PLA2G5: variants seen among roughly 807,000 people sequenced by gnomAD.
PLA2G5 encodes phospholipase A2 group V.
In PLA2G5, 12 loss-of-function variants were observed where a neutral mutation model predicts 15.9. The observed-to-expected ratio is 0.76, with a 90% CI of 0.48 to 1.23. The LOEUF (loss-of-function observed/expected upper bound fraction) is 1.23, where lower values mean the gene tolerates loss of function less well. Among genes scored for constraint, PLA2G5 ranks in the 50% most tolerant of loss-of-function variants. PLA2G5 has a pLI of 0.00. For missense variants in PLA2G5, 169 were observed against 177.1 expected, an observed-to-expected ratio of 0.95 and a Z score of 0.26; for synonymous variants, 71 against 71.4, an observed-to-expected ratio of 0.99 and a Z score of 0.03.
At chr1:20,086,534 A>G (rs1352137284) in intron 3 of PLA2G5, among the ~76,000 whole-genome samples, 2 of 152,260 alleles carry the variant, frequency 1.3e-5, no homozygotes, top group African/African-American at 2.4e-5. Flanking sequence ...AGCTTGGACA[A>G]CTGAGGCTGG....
At chr1:20,090,027 G>T in intron 4 of PLA2G5, 132 bp downstream of exon 4, 1 of 651,628 alleles carries the variant, frequency 1.5e-6, no homozygotes, top group East Asian at 2.8e-5. Flanking sequence ...GAGAGGAGCA[G>T]GATTATTGCA....
In PLA2G5 at chr1:20,086,223, G is replaced by A. The variant is rs143614555; in HGVS notation, c.181G>A (p.Asp61Asn). 5.0e-6 allele frequency: 8 copies of A among 1,613,988 alleles called. No homozygotes were observed. The highest frequency in any genetic ancestry group is 4.0e-5 in the African/African-American group (3 of 74,928). The change falls in exon 3 of 5, where the codon GAT becomes AAT. Residue 61 changes from aspartate to asparagine, a missense_variant. Coordinates refer to ENST00000375108, the MANE Select transcript of PLA2G5 (RefSeq NM_000929.3). The part of the protein sequence containing the change: ...GGRGTPKDGT[D>N]WCCWAHDHCY... ...CCGAGGAACCCCCAAGGATGGCACC[G>A]ATTGGTGAGCTGATCGCTATAACTG...
chr1:20,038,273 AC>A (rs1442601303), intron 1 of PLA2G5, among the ~76,000 whole-genome samples: 1 of 151,616 alleles, frequency 6.6e-6, no homozygotes, highest in Admixed American at 6.6e-5. Context: ...TGCCACCACC[AC>A]CCCCCAAAAA....
chr1:20,061,686 T>G (rs1382341037), intron 2 of PLA2G5, among the ~76,000 whole-genome samples: 1 of 151,868 alleles, frequency 6.6e-6, no homozygotes, highest in Admixed American at 6.5e-5. Flanking sequence ...CCTCTTTCCA[T>G]ATATCTTACT....
chr1:20,035,375 T>G (rs552130691), intron 1 of PLA2G5, among the ~76,000 whole-genome samples: 1 of 152,260 alleles, frequency 6.6e-6, no homozygotes, highest in Non-Finnish European at 1.5e-5. Flanking sequence ...TCCGGCAGAA[T>G]GTGGTGTTCC....
chr1:20,088,197 A>C (rs2100638009), intron 3 of PLA2G5, among the ~76,000 whole-genome samples: 1 of 152,310 alleles, frequency 6.6e-6, no homozygotes, highest in East Asian at 1.9e-4. Flanking sequence ...ATCTCTACTA[A>C]AAATACAAAA....
chr1:20,047,447 T>C (rs546452616), intron 1 of PLA2G5, among the ~76,000 whole-genome samples: 2 of 152,312 alleles, frequency 1.3e-5, no homozygotes, highest in Admixed American at 6.5e-5. Context: ...TTTTATGGCA[T>C]CTCTACTTGC....
At chr1:20,041,473 G>A (rs922224125) in intron 1 of PLA2G5, among the ~76,000 whole-genome samples, 2 of 152,332 alleles carry the variant, frequency 1.3e-5, no homozygotes, top group Middle Eastern at 3.4e-3. Flanking sequence ...CTGTGGGCAT[G>A]TGAGTAAAGT....
chr1:20,068,742 C>A, upstream of PLA2G5: 2 of 329,688 alleles, frequency 6.1e-6, no homozygotes, highest in South Asian at 5.2e-5. Flanking sequence ...TGAGCCCCCA[C>A]GCCCGGCCAA....
intron 1 of PLA2G5, among the ~76,000 whole-genome samples, chr1:20,033,050 G>T (rs1458853286): frequency 6.6e-6 from 1 of 152,188 alleles, no homozygotes; most frequent in African/African-American, 2.4e-5. Flanking sequence ...GTAGGATATG[G>T]TATGCATATT....
In PLA2G5 at chr1:20,063,149, C is replaced by T. The variant is rs540262365; in HGVS notation, n.337+3457C>T. Among the ~76,000 whole-genome samples, 7 of 152,064 alleles carry T rather than the reference C, an allele frequency of 4.6e-5. 1 individual carries two copies. The highest frequency in any genetic ancestry group is 3.4e-3 in the Middle Eastern group (1 of 294). On this transcript the variant is annotated intron_variant and non_coding_transcript_variant, in intron 2 of 6. Coordinates refer to the PLA2G5 transcript ENST00000460175. ...TCAAGGCTGCAGTGAGCTATGATCA[C>T]GCCACTGTACTCTAGCCCAGGCAAC...
At chr1:20,040,949 T>A (rs2013560221) in intron 1 of PLA2G5, among the ~76,000 whole-genome samples, 1 of 152,222 alleles carries the variant, frequency 6.6e-6, no homozygotes, top group Non-Finnish European at 1.5e-5. Context: ...GAGCCAGTGT[T>A]CATCTTACAT....
At chr1:20,064,816 C>A (rs535750201) in intron 2 of PLA2G5, among the ~76,000 whole-genome samples, 1 of 152,094 alleles carries the variant, frequency 6.6e-6, no homozygotes, top group Non-Finnish European at 1.5e-5. Flanking sequence ...TCCTGCTATT[C>A]CAAGTGTGGA....
chr1:20,064,095 A>G (rs1379213470), intron 2 of PLA2G5, among the ~76,000 whole-genome samples: 1 of 152,216 alleles, frequency 6.6e-6, no homozygotes, highest in African/African-American at 2.4e-5. Flanking sequence ...ACTTGGACAT[A>G]TGAACTTCTG....
chr1:20,072,766 T>C (rs2015448392), intron 1 of PLA2G5, among the ~76,000 whole-genome samples: 1 of 152,054 alleles, frequency 6.6e-6, no homozygotes, highest in African/African-American at 2.4e-5. Flanking sequence ...TCAGGGAAGG[T>C]GTCTCAAAAG....
rs74450041 is a variant in PLA2G5, at chr1:20,061,156, A to T, written n.337+1464A>T. 6.0e-3 allele frequency among the ~76,000 whole-genome samples: 910 copies of T among 152,298 alleles called. 8 individuals are homozygous for T. Among genetic ancestry groups the T allele is most frequent in the Non-Finnish European group, 9.1e-3 (617 of 68,036 alleles). On this transcript the variant is annotated intron_variant and non_coding_transcript_variant, in intron 2 of 6. Transcript: ENST00000460175. ...CCTCTCTGTGGGATCTGACCCAGGGATACAAATGAATCTACCTCTTCATCT... is the reference window on the plus strand; with the variant it reads ...CCTCTCTGTGGGATCTGACCCAGGGTTACAAATGAATCTACCTCTTCATCT...
chr1:20,066,867 G>A (rs1184504711), upstream of PLA2G5, among the ~76,000 whole-genome samples: 8 of 152,192 alleles, frequency 5.3e-5, no homozygotes, highest in African/African-American at 1.9e-4. Flanking sequence ...TTAGTCAGCT[G>A]TGGTGACATG....
At chr1:20,058,849 C>A (rs761092695) in intron 1 of PLA2G5, among the ~76,000 whole-genome samples, 2 of 151,992 alleles carry the variant, frequency 1.3e-5, no homozygotes, top group Non-Finnish European at 2.9e-5. Flanking sequence ...TTAGGGTGTG[C>A]AAAATTGGTT....
At chr1:20,077,935 T>G (rs553359128) in intron 1 of PLA2G5, among the ~76,000 whole-genome samples, 6 of 152,234 alleles carry the variant, frequency 3.9e-5, no homozygotes, top group African/African-American at 1.4e-4. Flanking sequence ...GATGCCTGCA[T>G]AGAAATAAGA....
Sources: gnomAD v4.1 joint callset for allele counts (sites outside exome capture counted in the v4.1 genomes callset) on GRCh38, gnomAD v4.1.1 for gene constraint, MANE v1.5 for transcripts, NCBI Gene and HGNC (gene_info 2026-07-23, HGNC 2026-07-21) for gene names.